DAB1: variants seen among roughly 807,000 people sequenced by gnomAD.
DAB1 encodes DAB adaptor protein 1, also known as disabled homolog 1.
DAB1 carries 15 observed loss-of-function variants against 64.6 expected under a neutral mutation model. The ratio of observed to expected loss-of-function variants is 0.23; its 90% CI spans 0.16 to 0.36. DAB1 has a LOEUF of 0.36. Ranked by LOEUF, DAB1 falls within the 10% of genes least tolerant of loss-of-function variation. The probability of loss-of-function intolerance (pLI) is 1.00; values close to 1 mark genes in which losing one functional copy is unlikely to be tolerated. For synonymous variants in DAB1, 235 were observed against 251.9 expected (o/e 0.93, Z 0.64); for missense variants, 596 against 706.7 (o/e 0.84, Z 1.78).
chr1:57,938,233 C>T (rs1231886155), intron 5 of DAB1, among the ~76,000 whole-genome samples: 1 of 152,208 alleles, frequency 6.6e-6, no homozygotes, highest in Non-Finnish European at 1.5e-5. Context: ...GATACTGGCA[C>T]TTGGATCAAT....
At chr1:57,714,541 C>A (rs1265257903) in intron 6 of DAB1, among the ~76,000 whole-genome samples, 3 of 152,100 alleles carry the variant, frequency 2.0e-5, no homozygotes, top group Non-Finnish European at 4.4e-5. Flanking sequence ...AGCATGGGGG[C>A]AACCAGGCAG....
intron 2 of DAB1, among the ~76,000 whole-genome samples, chr1:57,281,675 G>T (rs1026619056): frequency 2.6e-5 from 4 of 152,106 alleles, no homozygotes; most frequent in Admixed American, 2.6e-4. Context: ...TTAAATCTCC[G>T]CATTAGTGAG....
intron 1 of DAB1, among the ~76,000 whole-genome samples, chr1:57,388,908 G>A (rs573421562): frequency 5.1e-4 from 77 of 152,210 alleles, no homozygotes; most frequent in Non-Finnish European, 9.4e-4. Context: ...ATTTCAAAAC[G>A]TGCCCTAGCT....
intron 3 of DAB1, among the ~76,000 whole-genome samples, chr1:58,491,992 C>A (rs1262853544): frequency 1.3e-5 from 2 of 152,036 alleles, no homozygotes; most frequent in Admixed American, 1.3e-4. Context: ...ACACCTATTC[C>A]AAAATTGACC....
chr1:58,538,964 T>C, intron 1 of DAB1: 1 of 872,858 alleles, frequency 1.1e-6, no homozygotes, highest in Non-Finnish European at 2.0e-6. Flanking sequence ...GTAACTTCTT[T>C]TATTAGCAGC....
At chr1:58,456,330 T>A (rs1645192780) in intron 3 of DAB1, among the ~76,000 whole-genome samples, 1 of 152,098 alleles carries the variant, frequency 6.6e-6, no homozygotes, top group Non-Finnish European at 1.5e-5. Context: ...GGCTACAGAG[T>A]CTACATTCAT....
chr1:57,727,266 G>A (rs770779746), intron 6 of DAB1, among the ~76,000 whole-genome samples: 1 of 152,188 alleles, frequency 6.6e-6, no homozygotes, highest in Non-Finnish European at 1.5e-5. Context: ...ATTTTCAAGA[G>A]ATGTCAGGCA....
At chr1:57,643,869 A>G (rs1426071926) in intron 7 of DAB1, among the ~76,000 whole-genome samples, 5 of 152,198 alleles carry the variant, frequency 3.3e-5, no homozygotes, top group Non-Finnish European at 7.3e-5. Flanking sequence ...CTCAGGTTTC[A>G]GTGGACTCAG....
chr1:57,582,626 T>C (rs1384652623), intron 7 of DAB1, among the ~76,000 whole-genome samples: 1 of 152,224 alleles, frequency 6.6e-6, no homozygotes, highest in African/African-American at 2.4e-5. Flanking sequence ...ACAACTGTTA[T>C]GAGCTGATAG....
At chr1:57,117,996 G>T (rs1003931641) in intron 4 of DAB1, among the ~76,000 whole-genome samples, 8 of 152,314 alleles carry the variant, frequency 5.3e-5, no homozygotes, top group African/African-American at 1.9e-4. Context: ...CAGCCAGGCT[G>T]AAGTGAGGAC....
intron 3 of DAB1, among the ~76,000 whole-genome samples, chr1:58,464,242 A>G (rs1004091820): frequency 2.0e-5 from 3 of 152,214 alleles, no homozygotes; most frequent in African/African-American, 7.2e-5. Flanking sequence ...GAAGACATCA[A>G]TGTGTGTATT....
At chr1:57,590,735 AAC>A (rs58957864) in intron 7 of DAB1, among the ~76,000 whole-genome samples, 47,494 of 131,924 alleles carry the variant, frequency 0.36, 8,835 homozygotes, top group Non-Finnish European at 0.44. Context: ...TGTAGTCCGT[AAC>A]ACACACACAC....
chr1:58,292,812 A>G (rs1661879073), intron 4 of DAB1, among the ~76,000 whole-genome samples: 1 of 152,234 alleles, frequency 6.6e-6, no homozygotes, highest in South Asian at 2.1e-4. Flanking sequence ...GTAGTCTAAT[A>G]TAACACATTC....
intron 4 of DAB1, among the ~76,000 whole-genome samples, chr1:58,300,646 G>GAGAGAA (rs1662140791): frequency 1.7e-5 from 1 of 57,342 alleles, no homozygotes; most frequent in Non-Finnish European, 3.5e-5. Context: ...GAGAGAGAGA[G>GAGAGAA]AGGAAGGAAG....
chr1:57,043,849 GAAAA>G (rs11366894), intron 9 of DAB1, among the ~76,000 whole-genome samples: 1 of 140,588 alleles, frequency 7.1e-6, no homozygotes, highest in Non-Finnish European at 1.6e-5. Context: ...TCCTACTCAA[GAAAA>G]AAAAAAAAAT....
intron 1 of DAB1, among the ~76,000 whole-genome samples, chr1:57,402,513 A>G (rs1326892851): frequency 6.6e-6 from 1 of 152,154 alleles, no homozygotes; most frequent in South Asian, 2.1e-4. Flanking sequence ...TATTGCTGCA[A>G]TACACCAGCT....
At chr1:57,172,165 T>A (rs1217679623) in intron 2 of DAB1, among the ~76,000 whole-genome samples, 1 of 152,164 alleles carries the variant, frequency 6.6e-6, no homozygotes, top group African/African-American at 2.4e-5. Context: ...TTTCACCTAT[T>A]TATGAGGACA....
chr1:58,282,434 C>A (rs1661583601), intron 4 of DAB1, among the ~76,000 whole-genome samples: 1 of 152,114 alleles, frequency 6.6e-6, no homozygotes, highest in Non-Finnish European at 1.5e-5. Context: ...TTTCCCTATG[C>A]CCTCTCATTT....
At chr1:57,488,825 A>G (rs879863212) in intron 7 of DAB1, among the ~76,000 whole-genome samples, 8 of 152,180 alleles carry the variant, frequency 5.3e-5, no homozygotes, top group Admixed American at 1.3e-4. Context: ...TTAAAATTCA[A>G]TTTTCTCATC....
Sources: allele counts gnomAD v4.1 joint callset (sites outside exome capture counted in the v4.1 genomes callset), GRCh38; gene constraint gnomAD v4.1.1; transcripts MANE v1.5; gene names NCBI Gene and HGNC (gene_info 2026-07-23, HGNC 2026-07-21).